The following DCLK2 variants were observed in gnomAD, a reference collection of about 807,000 sequenced individuals.
DCLK2 encodes serine/threonine-protein kinase DCLK2.
Under a neutral mutation model 78.4 loss-of-function variants are expected in DCLK2, and 31 were observed. The observed-to-expected ratio is 0.40, with a 90% CI of 0.30 to 0.53. The LOEUF is 0.53. Among genes scored for constraint, DCLK2 ranks in the 20% least tolerant of loss-of-function variants. DCLK2 has a pLI of 0.61. For synonymous variants in DCLK2, 407 were observed against 374.9 expected (o/e 1.09, Z -0.99); for missense variants, 872 against 973.7 (o/e 0.90, Z 1.39).
chr4:150,171,640 T>G (rs1037093494), intron 2 of DCLK2, among the ~76,000 whole-genome samples: 1 of 152,316 alleles, frequency 6.6e-6, no homozygotes, highest in Admixed American at 6.5e-5. Flanking sequence ...TGGGCCTTCT[T>G]GGAGAATATG....
chr4:150,099,571 G>GGGGTTT (rs1730720168), intron 1 of DCLK2, among the ~76,000 whole-genome samples: 1 of 152,170 alleles, frequency 6.6e-6, no homozygotes, highest in African/African-American at 2.4e-5. Flanking sequence ...CTATACTTTA[G>GGGGTTT]GGGTTTGTGT....
chr4:150,114,375 C>G (rs1185904310), intron 2 of DCLK2, among the ~76,000 whole-genome samples: 3 of 152,046 alleles, frequency 2.0e-5, no homozygotes, highest in Non-Finnish European at 2.9e-5. Context: ...GTGTTGCTGT[C>G]TATCTCTTTT....
At chr4:150,204,026 A>G (rs1739655427) in intron 5 of DCLK2, 137 bp downstream of exon 5, 1 of 746,370 alleles carries the variant, frequency 1.3e-6, no homozygotes, top group South Asian at 1.9e-5. Flanking sequence ...GGTAGACTTG[A>G]CTTCGAATCC....
At chr4:150,127,401 TTTAC>T (rs1443153253) in intron 2 of DCLK2, among the ~76,000 whole-genome samples, 15 of 152,214 alleles carry the variant, frequency 9.9e-5, no homozygotes, top group Admixed American at 9.8e-4. Flanking sequence ...TTCTCCCCTA[TTTAC>T]TTACTTATTC....
At chr4:150,089,960 T>A (rs1262867465) in intron 1 of DCLK2, among the ~76,000 whole-genome samples, 2 of 152,222 alleles carry the variant, frequency 1.3e-5, no homozygotes, top group African/African-American at 2.4e-5. Flanking sequence ...TGTGAACATG[T>A]CTTTTATACG....
chr4:150,207,968 G>T (rs1441831503), intron 5 of DCLK2, among the ~76,000 whole-genome samples: 1 of 152,172 alleles, frequency 6.6e-6, no homozygotes, highest in East Asian at 1.9e-4. Context: ...CCAAGGAGCA[G>T]GGTGGGCATC....
intron 15 of DCLK2, 78 bp from the exon 16 acceptor site, chr4:150,255,942 G>T: frequency 6.4e-7 from 1 of 1,556,570 alleles, no homozygotes; most frequent in Non-Finnish European, 8.7e-7. Flanking sequence ...TGCATGCTCT[G>T]TTGTGCTCTC....
intron 15 of DCLK2, among the ~76,000 whole-genome samples, chr4:150,252,662 A>G (rs1418704451): frequency 1.3e-5 from 2 of 152,250 alleles, no homozygotes; most frequent in African/African-American, 4.8e-5. Flanking sequence ...TGAGGAGTTC[A>G]GGACTCAAAA....
intron 5 of DCLK2, among the ~76,000 whole-genome samples, chr4:150,217,525 A>G (rs976386474): frequency 1.3e-5 from 2 of 152,208 alleles, no homozygotes; most frequent in African/African-American, 4.8e-5. Flanking sequence ...GTCAGCACCT[A>G]TCCTGAAATG....
At chr4:150,228,682 G>A (rs1440773996) in intron 8 of DCLK2, among the ~76,000 whole-genome samples, 2 of 152,220 alleles carry the variant, frequency 1.3e-5, no homozygotes, top group African/African-American at 2.4e-5. Flanking sequence ...ATCTGGTCCC[G>A]AGAAGTATAT....
At chr4:150,247,080 C>T (rs367553449) in intron 12 of DCLK2, among the ~76,000 whole-genome samples, 144 of 152,226 alleles carry the variant, frequency 9.5e-4, no homozygotes, top group African/African-American at 3.3e-3. Context: ...GAAAGGAGAT[C>T]GGACTTAGAT....
intron 2 of DCLK2, among the ~76,000 whole-genome samples, chr4:150,184,538 CAA>C (rs1163875300): frequency 2.0e-5 from 3 of 151,550 alleles, no homozygotes; most frequent in Non-Finnish European, 4.4e-5. Flanking sequence ...ACAAGATTTC[CAA>C]AGAGTGTCAA....
At chr4:150,248,562 A>G (rs550617677) in intron 14 of DCLK2, among the ~76,000 whole-genome samples, 177 bp downstream of exon 14, 18 of 152,338 alleles carry the variant, frequency 1.2e-4, no homozygotes, top group Non-Finnish European at 2.2e-4. Context: ...AGTTGGCACT[A>G]GGGTCCCAGT....
chr4:150,105,207 G>A (rs578109481), intron 2 of DCLK2, among the ~76,000 whole-genome samples: 15 of 152,150 alleles, frequency 9.9e-5, no homozygotes, highest in African/African-American at 2.9e-4. Flanking sequence ...TAAGCATAAC[G>A]TAATGGGAAA....
Position 150,102,607 on chromosome 4 carries a change from A to G in DCLK2, c.551A>G (p.Lys184Arg), listed in dbSNP as rs1730966384. The change falls in exon 2 of 16, where the codon AAA becomes AGA. Residue 184 changes from lysine (K) to arginine (R), a missense_variant. By Grantham distance (26) the Lys-to-Arg change is conservative (BLOSUM62 2). This residue lies in a region of DCLK2 where 567 missense variants were observed against 593.4 expected (regional missense o/e 0.96). Coordinates refer to ENST00000296550, the MANE Select transcript of DCLK2 (RefSeq NM_001040260.4). ...GCGCTGGCTGCTGCCTCCTCTGTGAAAAGTGAAGTAAAAGAAAGTAAAGAT... is the reference window on the plus strand; with the variant it reads ...GCGCTGGCTGCTGCCTCCTCTGTGAGAAGTGAAGTAAAAGAAAGTAAAGAT... ...SRALAAASSV[K>R]SEVKESKDFI... 1.9e-6 allele frequency: 3 copies of G among 1,614,046 alleles called. No homozygotes were observed. The South Asian group carries it at 3.3e-5, about 18-fold the overall frequency.
chr4:150,096,124 CG>C (rs1369249334), intron 1 of DCLK2, among the ~76,000 whole-genome samples: 3 of 152,218 alleles, frequency 2.0e-5, no homozygotes, highest in Middle Eastern at 3.4e-3. Context: ...CGGGAAGAAA[CG>C]AGAGAAGGCA....
At chr4:150,137,249 G>A (rs993555599) in intron 2 of DCLK2, among the ~76,000 whole-genome samples, 4 of 152,098 alleles carry the variant, frequency 2.6e-5, no homozygotes, top group African/African-American at 9.7e-5. Flanking sequence ...GTTGTCTGGG[G>A]CAGCTTCCCT....
intron 12 of DCLK2, among the ~76,000 whole-genome samples, chr4:150,245,207 C>T (rs1011072631): frequency 1.3e-5 from 2 of 152,176 alleles, no homozygotes; most frequent in Non-Finnish European, 2.9e-5. Flanking sequence ...CATTTTGACA[C>T]TAAGAAACGC....
intron 2 of DCLK2, among the ~76,000 whole-genome samples, chr4:150,189,667 G>A (rs924296103): frequency 2.0e-5 from 3 of 152,168 alleles, no homozygotes; most frequent in Admixed American, 2.0e-4. Flanking sequence ...CCTAGACTTA[G>A]TAAGTCCTAA....
Sources: allele counts gnomAD v4.1 joint callset (sites outside exome capture counted in the v4.1 genomes callset), GRCh38; gene constraint gnomAD v4.1.1; regional missense constraint gnomAD v4.1.1; transcripts MANE v1.5; gene names NCBI Gene and HGNC (gene_info 2026-07-23, HGNC 2026-07-21).